The following ZCCHC14 variants were observed in gnomAD, a reference collection of about 807,000 sequenced individuals.
ZCCHC14 encodes the protein zinc finger CCHC-type containing 14, also known as zinc finger CCHC domain-containing protein 14.
In ZCCHC14, 16 loss-of-function variants were observed where a neutral mutation model predicts 85.0. That is an observed-to-expected ratio of 0.19 (90% confidence interval 0.13 to 0.29). The LOEUF (loss-of-function observed/expected upper bound fraction) is 0.29. Among genes scored for constraint, ZCCHC14 ranks in the 10% least tolerant of loss-of-function variants. The probability of loss-of-function intolerance (pLI) is 1.00; values close to 1 mark genes in which losing one functional copy is unlikely to be tolerated. For synonymous variants in ZCCHC14, 775 were observed against 630.7 expected (o/e 1.23, Z -3.43); for missense variants, 1,303 against 1,443.5 (o/e 0.90, Z 1.58).
chr16:87,466,142 G>T (rs2150764714), intron 1 of ZCCHC14, among the ~76,000 whole-genome samples: 1 of 145,324 alleles, frequency 6.9e-6, no homozygotes, highest in South Asian at 2.1e-4. Flanking sequence ...TTTAAAAAAA[G>T]GTTTGTCCTT....
At chr16:87,440,210 T>C (rs1290013360) in intron 2 of ZCCHC14, among the ~76,000 whole-genome samples, 1 of 152,006 alleles carries the variant, frequency 6.6e-6, no homozygotes, top group African/African-American at 2.4e-5. Context: ...TGTCGCCCAG[T>C]CTGGAGTGCA....
intron 2 of ZCCHC14, among the ~76,000 whole-genome samples, chr16:87,455,293 C>CA (rs1910902992): frequency 6.6e-6 from 1 of 150,516 alleles, no homozygotes; most frequent in African/African-American, 2.4e-5. Flanking sequence ...CGTCCCCCCC[C>CA]GCCCCCGCAA....
At chr16:87,418,955 T>C in intron 6 of ZCCHC14, 54 bp from the exon 7 acceptor site, 1 of 1,480,288 alleles carries the variant, frequency 6.8e-7, no homozygotes, top group South Asian at 1.2e-5. Context: ...AAAATATTTG[T>C]TTTATTTTAT....
rs750067016 is a variant in ZCCHC14, at chr16:87,412,227, G to A, written c.2494C>T (p.Pro832Ser). Reference protein sequence around the residue: ...FSAMSSMPVGPLQGGFCANSN... With the variant: ...FSAMSSMPVGSLQGGFCANSN... ...TTTGCACAGAAGCCACCCTGCAGGGGGCCCACTGGCATACTGCTCATTGCA... is the reference window on the plus strand; with the variant it reads ...TTTGCACAGAAGCCACCCTGCAGGGAGCCCACTGGCATACTGCTCATTGCA... The change falls in exon 12 of 13, where the codon CCC becomes TCC. Residue 832 changes from proline to serine, a missense_variant. This residue lies in a region of ZCCHC14 where 797 missense variants were observed against 730.8 expected (regional missense o/e 1.09). Transcript: ENST00000671377. 4 of 1,612,522 alleles carry A rather than the reference G, an allele frequency of 2.5e-6. No homozygotes were observed. The highest frequency in any genetic ancestry group is 3.4e-6 in the Non-Finnish European group (4 of 1,178,786).
At chr16:87,443,355 C>A (rs1567525004) in intron 2 of ZCCHC14, among the ~76,000 whole-genome samples, 1 of 152,086 alleles carries the variant, frequency 6.6e-6, no homozygotes, top group East Asian at 1.9e-4. Flanking sequence ...TTTAAGTGGG[C>A]AGCTTTTTAT....
At chr16:87,439,379 C>T (rs990232703) in intron 2 of ZCCHC14, among the ~76,000 whole-genome samples, 1 of 152,090 alleles carries the variant, frequency 6.6e-6, no homozygotes, top group Admixed American at 6.5e-5. Context: ...GTGATTCACC[C>T]GCCTCGGCCT....
At chr16:87,489,905 C>T (rs1405216871) in intron 1 of ZCCHC14, among the ~76,000 whole-genome samples, 1 of 151,334 alleles carries the variant, frequency 6.6e-6, no homozygotes, top group East Asian at 1.9e-4. Context: ...GTAGCAACAG[C>T]CATAGAAATT....
At chr16:87,436,118 G>C (rs777853807) in intron 2 of ZCCHC14, among the ~76,000 whole-genome samples, 35 of 152,106 alleles carry the variant, frequency 2.3e-4, no homozygotes, top group Non-Finnish European at 4.3e-4. Context: ...TAATATTAGG[G>C]TTTATGAAAA....
At chr16:87,457,899 G>C (rs1247452833) in intron 2 of ZCCHC14, among the ~76,000 whole-genome samples, 2 of 152,176 alleles carry the variant, frequency 1.3e-5, no homozygotes, top group East Asian at 3.9e-4. Context: ...GAATGCTGCA[G>C]GTAATTAAGA....
Position 87,423,919 on chromosome 16 carries a change from C to T in ZCCHC14, c.769-38G>A, listed in dbSNP as rs777956372. On this transcript the variant is annotated intron_variant, in intron 3 of 12. Coordinates refer to ENST00000671377, the MANE Select transcript of ZCCHC14 (RefSeq NM_015144.3). ...CAAACAAACAAACCTTAGAAACAGA[C>T]ACCACATACTTGGTTCCCAGCACGT... 1.6e-5 allele frequency: 25 copies of T among 1,607,284 alleles called. No homozygotes were observed. The South Asian group carries it at 2.7e-4, about 17-fold the overall frequency.
At chr16:87,432,655 G>A (rs56313455) in intron 3 of ZCCHC14, among the ~76,000 whole-genome samples, 1,729 of 152,250 alleles carry the variant, frequency 0.011, 36 homozygotes, top group African/African-American at 0.04. Flanking sequence ...GTCACCGTGG[G>A]TCACCGGGAA....
intron 1 of ZCCHC14, chr16:87,467,677 A>T (rs1473959748): frequency 9.7e-6 from 8 of 828,722 alleles, no homozygotes; most frequent in Admixed American, 1.8e-5. Flanking sequence ...TTTGAGATGG[A>T]GTCTCGCTCT....
Position 87,414,422 on chromosome 16 carries a change from T to C in ZCCHC14, c.1595A>G (p.His532Arg), listed in dbSNP as rs761135676. 5.0e-6 allele frequency: 8 copies of C among 1,612,648 alleles called. No individual in the cohort carries two copies. The highest frequency in any genetic ancestry group is 1.7e-5 in the Admixed American group (1 of 59,946). Reference protein sequence around the residue: ...VGPVQSGRGSHAAELRVEVEQ... With the variant: ...VGPVQSGRGSRAAELRVEVEQ... ...GACACACCCTTGTTCACCTGCTGCA[T>C]GGCTGCCCCGCCCCGACTGCACGGG... Residue 532 changes from histidine to arginine, a missense_variant, in exon 10 of 13, where the codon CAT becomes CGT. This residue lies in a region of ZCCHC14 where 58 missense variants were observed against 88.2 expected (regional missense o/e 0.66). Transcript: ENST00000671377.
chr16:87,483,304 CAAA>C (rs56708958), intron 1 of ZCCHC14, among the ~76,000 whole-genome samples: 11 of 43,656 alleles, frequency 2.5e-4, no homozygotes, highest in African/African-American at 8.6e-4. Flanking sequence ...CTAAAAATAC[CAAA>C]AAAAAAAAAA....
At chr16:87,479,353 T>C (rs1240504813) in intron 1 of ZCCHC14, among the ~76,000 whole-genome samples, 1 of 151,372 alleles carries the variant, frequency 6.6e-6, no homozygotes, top group Non-Finnish European at 1.5e-5. Flanking sequence ...GAGACAGAGG[T>C]TTGCAGTGAG....
intron 2 of ZCCHC14, among the ~76,000 whole-genome samples, chr16:87,442,088 G>C (rs912492286): frequency 6.6e-6 from 1 of 152,242 alleles, no homozygotes; most frequent in Non-Finnish European, 1.5e-5. Flanking sequence ...GGATAGCAGA[G>C]AGGGAAGATT....
intron 2 of ZCCHC14, among the ~76,000 whole-genome samples, chr16:87,435,738 A>G (rs1281880938): frequency 1.3e-5 from 2 of 152,208 alleles, no homozygotes; most frequent in East Asian, 1.9e-4. Flanking sequence ...GCGGGAGTCC[A>G]CTCGCTTTAG....
At chr16:87,423,779 T>C (rs748175243) in intron 4 of ZCCHC14, 31 bp downstream of exon 4, 2 of 1,610,124 alleles carry the variant, frequency 1.2e-6, no homozygotes, top group South Asian at 1.1e-5. Context: ...GTGATTCTTT[T>C]AATTTTTATA....
At chr16:87,446,568 G>A (rs1282675688) in intron 2 of ZCCHC14, among the ~76,000 whole-genome samples, 3 of 152,002 alleles carry the variant, frequency 2.0e-5, no homozygotes, top group Non-Finnish European at 4.4e-5. Flanking sequence ...TACAGAAAAC[G>A]TTTGCCAGCT....
Sources: allele counts gnomAD v4.1 joint callset (sites outside exome capture counted in the v4.1 genomes callset), GRCh38; gene constraint gnomAD v4.1.1; regional missense constraint gnomAD v4.1.1; transcripts MANE v1.5; gene names NCBI Gene and HGNC (gene_info 2026-07-23, HGNC 2026-07-21).